The following NAALADL2 variants were observed in gnomAD, a reference collection of about 807,000 sequenced individuals.
NAALADL2 encodes N-acetylated alpha-linked acidic dipeptidase like 2, also known as inactive N-acetylated-alpha-linked acidic dipeptidase-like protein 2.
Under a neutral mutation model 87.2 loss-of-function variants are expected in NAALADL2, and 76 were observed. The observed-to-expected ratio is 0.87, with a 90% CI of 0.72 to 1.05. The LOEUF (loss-of-function observed/expected upper bound fraction) is 1.05, where lower values mean the gene tolerates loss of function less well. Among genes scored for constraint, NAALADL2 ranks in the 50% least tolerant of loss-of-function variants. The pLI is 0.00. For synonymous variants in NAALADL2, 354 were observed against 331.0 expected (o/e 1.07, Z -0.75); for missense variants, 1,089 against 945.8 (o/e 1.15, Z -1.99).
intron 2 of NAALADL2, among the ~76,000 whole-genome samples, chr3:174,672,334 C>T (rs1351613608): frequency 6.6e-6 from 1 of 152,034 alleles, no homozygotes; most frequent in Non-Finnish European, 1.5e-5. Flanking sequence ...CTCAGAAGCA[C>T]TCACTTTGCC....
intron 3 of NAALADL2, among the ~76,000 whole-genome samples, chr3:174,829,112 G>T (rs960037312): frequency 9.9e-5 from 15 of 151,670 alleles, no homozygotes; most frequent in African/African-American, 3.4e-4. Context: ...TGTTGTTGTT[G>T]TTGTTGTTGT....
intron 1 of NAALADL2, among the ~76,000 whole-genome samples, chr3:175,027,685 G>A (rs1053509053): frequency 3.3e-5 from 5 of 151,778 alleles, no homozygotes; most frequent in Admixed American, 3.3e-4. Flanking sequence ...GCCTTAATGT[G>A]GTATATTTTC....
chr3:175,354,928 A>G (rs2080786), intron 5 of NAALADL2, among the ~76,000 whole-genome samples: 1 of 149,034 alleles, frequency 6.7e-6, no homozygotes, highest in African/African-American at 2.5e-5. Context: ...ATATGTGTGT[A>G]TATGTGTATA....
intron 2 of NAALADL2, among the ~76,000 whole-genome samples, chr3:175,206,288 A>G (rs1359574327): frequency 0.065 from 7,170 of 111,144 alleles, 831 homozygotes; most frequent in African/African-American, 0.19. Context: ...GTGTGTGTGT[A>G]TGTATGTGTA....
chr3:175,728,027 T>C (rs771641889), intron 11 of NAALADL2, among the ~76,000 whole-genome samples: 5 of 152,150 alleles, frequency 3.3e-5, no homozygotes, highest in Non-Finnish European at 5.9e-5. Context: ...GTTGTGGAGG[T>C]TGTATAAGTT....
At position 174,537,267 on chromosome 3, in the gene NAALADL2, A is replaced by G. The variant is rs1721806349; in HGVS notation, c.-183-13302A>G. ...AAATTGCTAGCAATTGTTTTTTATT[A>G]TGGATATTAAATTAAAGGGAAGCAA... On this transcript the variant is annotated intron_variant, in intron 1 of 3. Coordinates refer to the NAALADL2 transcript ENST00000434257. Among the ~76,000 whole-genome samples, 3 of 152,274 alleles carry G rather than the reference A, an allele frequency of 2.0e-5. No individual in the cohort carries two copies. The South Asian group carries it at 6.2e-4, about 32-fold the overall frequency.
intron 2 of NAALADL2, among the ~76,000 whole-genome samples, chr3:174,713,563 A>ACTGCCATTCTAACTGGTGT (rs1271210224): frequency 6.6e-6 from 1 of 152,212 alleles, no homozygotes; most frequent in African/African-American, 2.4e-5. Flanking sequence ...AGTGATGATG[A>ACTGCCATTCTAACTGGTGT]GTACTTTTTC....
intron 2 of NAALADL2, among the ~76,000 whole-genome samples, chr3:174,700,637 A>C (rs2108881414): frequency 6.6e-6 from 1 of 152,326 alleles, no homozygotes; most frequent in African/African-American, 2.4e-5. Flanking sequence ...TTGGTGGTTA[A>C]AAAGGTTAAC....
chr3:175,673,779 A>G (rs1734327528), intron 11 of NAALADL2, among the ~76,000 whole-genome samples: 1 of 152,068 alleles, frequency 6.6e-6, no homozygotes, highest in Non-Finnish European at 1.5e-5. Context: ...AAGGAATATA[A>G]AGACTAAAAA....
At chr3:175,488,508 T>C (rs759408357) in intron 9 of NAALADL2, among the ~76,000 whole-genome samples, 1 of 152,262 alleles carries the variant, frequency 6.6e-6, no homozygotes, top group Admixed American at 6.5e-5. Context: ...AAAACATTCA[T>C]TAAATGTGAT....
At chr3:175,091,503 AC>A (rs1720112910) in intron 1 of NAALADL2, among the ~76,000 whole-genome samples, 1 of 152,042 alleles carries the variant, frequency 6.6e-6, no homozygotes, top group Non-Finnish European at 1.5e-5. Context: ...TTGTAAAATA[AC>A]TTTTACAAGT....
At chr3:175,073,819 A>T (rs1716092841) in intron 1 of NAALADL2, among the ~76,000 whole-genome samples, 1 of 152,168 alleles carries the variant, frequency 6.6e-6, no homozygotes, top group Non-Finnish European at 1.5e-5. Context: ...TGTATTCCTT[A>T]TAAAAGACAG....
intron 5 of NAALADL2, among the ~76,000 whole-genome samples, chr3:175,438,015 T>C (rs1424569810): frequency 6.6e-6 from 1 of 152,116 alleles, no homozygotes. Flanking sequence ...TCTATGTCTT[T>C]ATTTTTACAA....
chr3:175,442,356 A>T (rs1458156012), intron 5 of NAALADL2, among the ~76,000 whole-genome samples: 2 of 152,172 alleles, frequency 1.3e-5, no homozygotes, highest in Non-Finnish European at 2.9e-5. Flanking sequence ...AGCCAACCAG[A>T]TGAGATTGAA....
At chr3:174,778,653 C>T (rs1034488787) in intron 3 of NAALADL2, among the ~76,000 whole-genome samples, 6 of 151,882 alleles carry the variant, frequency 4.0e-5, no homozygotes, top group South Asian at 4.2e-4. Context: ...AACAGGACCC[C>T]GTGTGTGATG....
intron 1 of NAALADL2, among the ~76,000 whole-genome samples, chr3:175,092,312 C>T (rs1720296630): frequency 6.6e-6 from 1 of 150,816 alleles, no homozygotes; most frequent in African/African-American, 2.5e-5. Context: ...CAGATAGCCT[C>T]ACTATGAAGT....
intron 5 of NAALADL2, among the ~76,000 whole-genome samples, chr3:175,347,690 CAG>C (rs1347976381): frequency 6.6e-6 from 1 of 152,114 alleles, no homozygotes; most frequent in East Asian, 1.9e-4. Flanking sequence ...AGGTAACACA[CAG>C]AACAAACACA....
chr3:175,028,047 A>G (rs933490010), intron 1 of NAALADL2, among the ~76,000 whole-genome samples: 1 of 152,078 alleles, frequency 6.6e-6, no homozygotes, highest in Non-Finnish European at 1.5e-5. Flanking sequence ...GAAACTTTGC[A>G]ATCCAGATGT....
chr3:175,473,179 C>A (rs186045505), intron 9 of NAALADL2, among the ~76,000 whole-genome samples: 1 of 152,146 alleles, frequency 6.6e-6, no homozygotes, highest in Admixed American at 6.5e-5. Context: ...CTTTGCACAT[C>A]TTATAACAGG....
Sources: gnomAD v4.1 joint callset for allele counts (sites outside exome capture counted in the v4.1 genomes callset) on GRCh38, gnomAD v4.1.1 for gene constraint, MANE v1.5 for transcripts, NCBI Gene and HGNC (gene_info 2026-07-23, HGNC 2026-07-21) for gene names.